Variants in NRG3 observed in about 807,000 individuals in gnomAD.
NRG3 encodes the protein neuregulin 3, also known as pro-neuregulin-3, membrane-bound isoform.
A neutral mutation model predicts 66.9 loss-of-function variants in NRG3; 31 were observed. That is an observed-to-expected ratio of 0.46 (90% CI 0.35 to 0.63). The LOEUF (loss-of-function observed/expected upper bound fraction) is 0.63. NRG3 is among the 20% of genes least tolerant of loss of function. NRG3 has a pLI of 0.00. For missense variants in NRG3, 910 were observed against 878.9 expected, an observed-to-expected ratio of 1.04 and a Z score of -0.45; for synonymous variants, 393 against 359.4, an observed-to-expected ratio of 1.09 and a Z score of -1.06.
At chr10:82,648,878 G>A (rs1033602903) in intron 2 of NRG3, among the ~76,000 whole-genome samples, 1 of 152,158 alleles carries the variant, frequency 6.6e-6, no homozygotes, top group African/African-American at 2.4e-5. Flanking sequence ...CTTTGCTGAA[G>A]TTGCTGATCA....
At chr10:82,588,350 C>T (rs1488490613) in intron 2 of NRG3, among the ~76,000 whole-genome samples, 2 of 152,078 alleles carry the variant, frequency 1.3e-5, no homozygotes, top group African/African-American at 4.8e-5. Context: ...CACCTTACGC[C>T]TCCTGCCTCC....
chr10:82,270,335 T>G (rs1026489473), intron 1 of NRG3, among the ~76,000 whole-genome samples: 2 of 152,194 alleles, frequency 1.3e-5, no homozygotes, highest in African/African-American at 4.8e-5. Context: ...TGTCAGGTTC[T>G]ACCTTAATCA....
intron 2 of NRG3, among the ~76,000 whole-genome samples, chr10:82,593,689 A>G (rs2047109506): frequency 6.6e-6 from 1 of 152,128 alleles, no homozygotes. Flanking sequence ...ACTATCAATA[A>G]TTTGGAAAAA....
chr10:82,004,871 C>G (rs2061324072), intron 1 of NRG3, among the ~76,000 whole-genome samples: 1 of 152,200 alleles, frequency 6.6e-6, no homozygotes, highest in Non-Finnish European at 1.5e-5. Context: ...CTGCTTACAA[C>G]TTGATCTTGG....
chr10:82,212,143 T>C (rs1334919178), intron 1 of NRG3, among the ~76,000 whole-genome samples: 5 of 152,184 alleles, frequency 3.3e-5, no homozygotes, highest in Admixed American at 6.5e-5. Flanking sequence ...GTTTGAACCA[T>C]GGGAAATAGC....
chr10:82,948,167 A>G (rs1849194223), intron 4 of NRG3, among the ~76,000 whole-genome samples: 1 of 152,082 alleles, frequency 6.6e-6, no homozygotes, highest in African/African-American at 2.4e-5. Flanking sequence ...TCATTTTTTG[A>G]AAATATTCTT....
intron 2 of NRG3, among the ~76,000 whole-genome samples, chr10:82,701,639 A>G (rs2055889537): frequency 6.6e-6 from 1 of 152,208 alleles, no homozygotes; most frequent in Admixed American, 6.6e-5. Context: ...AGGAACATAA[A>G]GCAATCTTTT....
chr10:82,474,497 A>T (rs1315558520), intron 2 of NRG3, among the ~76,000 whole-genome samples: 14 of 152,214 alleles, frequency 9.2e-5, no homozygotes, highest in African/African-American at 2.4e-5. Context: ...AGGGTTCAAC[A>T]GCAGATTTGA....
At chr10:82,273,731 G>A (rs2078711376) in intron 1 of NRG3, among the ~76,000 whole-genome samples, 1 of 151,870 alleles carries the variant, frequency 6.6e-6, no homozygotes, top group African/African-American at 2.4e-5. Context: ...AGTGATTAAG[G>A]AAAGCATTTA....
chr10:82,597,488 T>C (rs2047355163), intron 2 of NRG3, among the ~76,000 whole-genome samples: 1 of 152,194 alleles, frequency 6.6e-6, no homozygotes, highest in African/African-American at 2.4e-5. Context: ...ACAAATTACA[T>C]ACATACAGGT....
intron 1 of NRG3, among the ~76,000 whole-genome samples, chr10:82,152,135 G>C (rs1043787806): frequency 6.6e-6 from 1 of 152,110 alleles, no homozygotes; most frequent in Non-Finnish European, 1.5e-5. Flanking sequence ...CCATTGTACC[G>C]TGAAAGCAGC....
intron 1 of NRG3, among the ~76,000 whole-genome samples, chr10:82,181,632 A>T (rs1332107251): frequency 6.6e-6 from 1 of 151,838 alleles, no homozygotes; most frequent in Non-Finnish European, 1.5e-5. Flanking sequence ...TACTTTTGAT[A>T]AGTTAGTCCT....
chr10:82,546,128 G>A (rs1357591699), intron 2 of NRG3, among the ~76,000 whole-genome samples: 1 of 152,148 alleles, frequency 6.6e-6, no homozygotes, highest in African/African-American at 2.4e-5. Context: ...CCACCTTGCA[G>A]GTAGAATCAG....
intron 6 of NRG3, among the ~76,000 whole-genome samples, chr10:82,967,091 A>G (rs1851281162): frequency 6.6e-6 from 1 of 151,082 alleles, no homozygotes; most frequent in Non-Finnish European, 1.5e-5. Context: ...TATTGTTGCT[A>G]CAGGGATGTC....
At chr10:82,978,450 A>C (rs140177129) in intron 7 of NRG3, among the ~76,000 whole-genome samples, 24 of 152,362 alleles carry the variant, frequency 1.6e-4, no homozygotes, top group Middle Eastern at 6.8e-3. Context: ...AATTTAACAC[A>C]TATGTTAATG....
At chr10:81,953,770 A>G (rs1849581987) in intron 1 of NRG3, among the ~76,000 whole-genome samples, 1 of 152,096 alleles carries the variant, frequency 6.6e-6, no homozygotes, top group Admixed American at 6.5e-5. Flanking sequence ...CCAGTCTCAA[A>G]TTTTCAGTTT....
chr10:82,084,130 A>G (rs1335946774), intron 1 of NRG3, among the ~76,000 whole-genome samples: 1 of 152,024 alleles, frequency 6.6e-6, no homozygotes, highest in Non-Finnish European at 1.5e-5. Context: ...CAGGAGGCTG[A>G]GGCAGGAGAA....
chr10:82,557,626 A>C (rs921519722), intron 2 of NRG3, among the ~76,000 whole-genome samples: 1 of 152,026 alleles, frequency 6.6e-6, no homozygotes, highest in African/African-American at 2.4e-5. Flanking sequence ...GAAGCTCTTA[A>C]GTTAGTTCCC....
At chr10:82,245,978 G>GTT (rs372596396) in intron 1 of NRG3, among the ~76,000 whole-genome samples, 11,040 of 102,816 alleles carry the variant, frequency 0.11, 1,002 homozygotes, top group East Asian at 0.29. Context: ...CAGTCTTCTG[G>GTT]TTTTTTTTTT....
Sources: gnomAD v4.1 joint callset for allele counts (sites outside exome capture counted in the v4.1 genomes callset) on GRCh38, gnomAD v4.1.1 for gene constraint, MANE v1.5 for transcripts, NCBI Gene and HGNC (gene_info 2026-07-23, HGNC 2026-07-21) for gene names.